The following KLF12 variants were observed in gnomAD, a reference collection of about 807,000 sequenced individuals.
KLF12 encodes the protein Krueppel-like factor 12.
In KLF12, 9 loss-of-function variants were observed where a neutral mutation model predicts 37.8. That is an observed-to-expected ratio of 0.24 (90% confidence interval 0.14 to 0.42). The LOEUF is 0.42. KLF12 is among the 10% of genes least tolerant of loss of function. The pLI is 1.00. For missense variants in KLF12, 411 were observed against 516.0 expected, an observed-to-expected ratio of 0.80 and a Z score of 1.97; for synonymous variants, 208 against 202.1, an observed-to-expected ratio of 1.03 and a Z score of -0.25.
chr13:73,983,411 G>A (rs1426393991), intron 2 of KLF12, among the ~76,000 whole-genome samples: 4 of 152,224 alleles, frequency 2.6e-5, no homozygotes, highest in East Asian at 1.9e-4. Context: ...GTGCCTTCTG[G>A]TTCGTGAACC....
intron 4 of KLF12, among the ~76,000 whole-genome samples, chr13:73,843,409 A>G (rs564663080): frequency 6.6e-6 from 1 of 151,812 alleles, no homozygotes; most frequent in South Asian, 2.1e-4. Flanking sequence ...GGTTTAAGCG[A>G]TGATTCTCCT....
chr13:73,887,773 T>A (rs1887302413), intron 3 of KLF12, among the ~76,000 whole-genome samples: 1 of 152,166 alleles, frequency 6.6e-6, no homozygotes, highest in South Asian at 2.1e-4. Context: ...TACTTTAAAA[T>A]CTTTGTAAAT....
chr13:74,280,345 A>G, the KLF12 span, among the ~76,000 whole-genome samples: 1 of 152,160 alleles, frequency 6.6e-6, no homozygotes, highest in African/African-American at 2.4e-5. Context: ...TACACCCAAT[A>G]CAGAAGTCCC....
chr13:73,906,907 C>T (rs1225136120), intron 3 of KLF12, among the ~76,000 whole-genome samples: 1 of 152,130 alleles, frequency 6.6e-6, no homozygotes, highest in Non-Finnish European at 1.5e-5. Context: ...CAAAACTTTC[C>T]TCCTTATTAC....
At chr13:74,233,426 G>A in the KLF12 span, among the ~76,000 whole-genome samples, 14,628 of 152,102 alleles carry the variant, frequency 0.096, 745 homozygotes, top group South Asian at 0.14. Flanking sequence ...AAACACGAGA[G>A]TGCCTCGGGA....
intron 1 of KLF12, among the ~76,000 whole-genome samples, chr13:74,095,426 T>C (rs1426724936): frequency 6.6e-6 from 1 of 151,372 alleles, no homozygotes; most frequent in African/African-American, 2.4e-5. Context: ...TCTCACTCTG[T>C]CATCCAGGCT....
At chr13:74,263,293 G>T in the KLF12 span, among the ~76,000 whole-genome samples, 1 of 152,220 alleles carries the variant, frequency 6.6e-6, no homozygotes, top group Middle Eastern at 3.4e-3. Context: ...AAACCCATCA[G>T]AAATTAAGGG....
At chr13:74,100,978 G>T (rs535622684) in intron 1 of KLF12, among the ~76,000 whole-genome samples, 1 of 152,130 alleles carries the variant, frequency 6.6e-6, no homozygotes, top group African/African-American at 2.4e-5. Flanking sequence ...CATCAACCAG[G>T]GAAAATTAAT....
intron 6 of KLF12, among the ~76,000 whole-genome samples, chr13:73,748,807 C>T (rs1878545048): frequency 6.6e-6 from 1 of 152,144 alleles, no homozygotes; most frequent in African/African-American, 2.4e-5. Flanking sequence ...TTGCTTAACG[C>T]CAAAAGCCAA....
At chr13:74,192,518 T>C in the KLF12 span, among the ~76,000 whole-genome samples, 2 of 152,200 alleles carry the variant, frequency 1.3e-5, no homozygotes, top group African/African-American at 4.8e-5. Flanking sequence ...TTTATGCATA[T>C]TTATTATGCT....
At chr13:74,147,913 T>A in the KLF12 span, among the ~76,000 whole-genome samples, 1 of 151,952 alleles carries the variant, frequency 6.6e-6, no homozygotes, top group African/African-American at 2.4e-5. Context: ...TCTCACTTCT[T>A]TTTTTTCTTT....
At chr13:73,864,483 CA>C (rs780054465) in intron 3 of KLF12, among the ~76,000 whole-genome samples, 27 of 151,928 alleles carry the variant, frequency 1.8e-4, no homozygotes, top group Non-Finnish European at 3.5e-4. Flanking sequence ...CACAGATACA[CA>C]ACAATTATAT....
chr13:74,174,836 A>G, the KLF12 span, among the ~76,000 whole-genome samples: 1 of 152,222 alleles, frequency 6.6e-6, no homozygotes, highest in Non-Finnish European at 1.5e-5. Flanking sequence ...TAGTTGCTAG[A>G]ATAAGGAACC....
At chr13:74,304,751 T>C in the KLF12 span, among the ~76,000 whole-genome samples, 81 of 152,054 alleles carry the variant, frequency 5.3e-4, 2 homozygotes, top group African/African-American at 1.8e-3. Flanking sequence ...TGAAGTGTAA[T>C]TGGTAAACTC....
the KLF12 span, among the ~76,000 whole-genome samples, chr13:74,191,320 T>G: frequency 2.0e-4 from 30 of 152,348 alleles, no homozygotes; most frequent in African/African-American, 6.0e-4. Context: ...TATTGTTGCC[T>G]TATCACAAGA....
chr13:74,031,839 T>TA (rs1229276841), intron 1 of KLF12, among the ~76,000 whole-genome samples: 1 of 152,118 alleles, frequency 6.6e-6, no homozygotes, highest in East Asian at 1.9e-4. Context: ...CAGTTATAAA[T>TA]ATGTATTTCA....
At chr13:73,961,982 T>A (rs1276853542) in intron 2 of KLF12, 1 of 455,456 alleles carries the variant, frequency 2.2e-6, no homozygotes, top group African/African-American at 2.0e-5. Flanking sequence ...ACACTGTCAC[T>A]GTCTTTGGAA....
the KLF12 span, among the ~76,000 whole-genome samples, chr13:74,143,363 A>AATACAATTTCATTCTCAATTCCAG: frequency 5.5e-3 from 835 of 152,196 alleles, 8 homozygotes; most frequent in African/African-American, 0.019. Context: ...CTCAATTCCA[A>AATACAATTTCATTCTCAATTCCAG]ATAAAAATGG....
At chr13:73,812,695 TAA>T (rs1883006388) in intron 5 of KLF12, among the ~76,000 whole-genome samples, 1 of 152,096 alleles carries the variant, frequency 6.6e-6, no homozygotes, top group Non-Finnish European at 1.5e-5. Flanking sequence ...CATTTAAAAA[TAA>T]CATATGAGTA....
Sources: gnomAD v4.1 joint callset for allele counts (sites outside exome capture counted in the v4.1 genomes callset) on GRCh38, gnomAD v4.1.1 for gene constraint, MANE v1.5 for transcripts, NCBI Gene and HGNC (gene_info 2026-07-23, HGNC 2026-07-21) for gene names.